Variants in CECR2 observed in about 807,000 individuals in gnomAD.
CECR2 encodes chromatin remodeling regulator CECR2.
A neutral mutation model predicts 154.5 loss-of-function variants in CECR2; 30 were observed. The ratio of observed to expected loss-of-function variants is 0.19; its 90% CI spans 0.15 to 0.26. The LOEUF is 0.26. Ranked by LOEUF, CECR2 falls within the 10% of genes least tolerant of loss-of-function variation. The pLI, the probability that CECR2 is intolerant of heterozygous loss-of-function variation, is 1.00. For synonymous variants in CECR2, 725 were observed against 683.7 expected, an observed-to-expected ratio of 1.06 and a Z score of -0.94; for missense variants, 1,743 against 1,829.3, an observed-to-expected ratio of 0.95 and a Z score of 0.86.
chr22:17,391,968 A>G (rs2146507288), intron 1 of CECR2, among the ~76,000 whole-genome samples: 1 of 152,122 alleles, frequency 6.6e-6, no homozygotes, highest in South Asian at 2.1e-4. Flanking sequence ...CACCCAGCTA[A>G]TTTTTGTATT....
At chr22:17,514,181 G>C (rs2056010246) in intron 8 of CECR2, among the ~76,000 whole-genome samples, 1 of 152,212 alleles carries the variant, frequency 6.6e-6, no homozygotes, top group Non-Finnish European at 1.5e-5. Flanking sequence ...AGGGGAGACT[G>C]TCTCGCTGAA....
chr22:17,381,970 C>G (rs987633457), intron 1 of CECR2, among the ~76,000 whole-genome samples: 5 of 151,638 alleles, frequency 3.3e-5, no homozygotes, highest in African/African-American at 1.2e-4. Context: ...TCACTGCGAG[C>G]TCCGCCTCCT....
chr22:17,448,595 A>C (rs1185104996), intron 1 of CECR2, among the ~76,000 whole-genome samples: 1 of 152,160 alleles, frequency 6.6e-6, no homozygotes, highest in Non-Finnish European at 1.5e-5. Context: ...GATTTTCCAT[A>C]AGAGACAGCC....
At chr22:17,542,077 T>A in intron 15 of CECR2, 80 bp from the exon 16 acceptor site, 2 of 1,570,434 alleles carry the variant, frequency 1.3e-6, no homozygotes, top group Non-Finnish European at 1.7e-6. Flanking sequence ...TCCCAAAGAG[T>A]CTGTTCCCAT....
chr22:17,449,914 G>T (rs1043159733), intron 1 of CECR2, among the ~76,000 whole-genome samples: 6 of 152,232 alleles, frequency 3.9e-5, no homozygotes, highest in Non-Finnish European at 5.9e-5. Flanking sequence ...ACAGGGCACT[G>T]AGTGATGCTT....
chr22:17,409,063 C>G (rs2146560405), intron 1 of CECR2, among the ~76,000 whole-genome samples: 1 of 152,302 alleles, frequency 6.6e-6, no homozygotes, highest in African/African-American at 2.4e-5. Context: ...ATGAAACATG[C>G]CCTGATCAGC....
intron 1 of CECR2, among the ~76,000 whole-genome samples, chr22:17,457,173 A>G (rs1246147207): frequency 6.6e-6 from 1 of 152,226 alleles, no homozygotes; most frequent in African/African-American, 2.4e-5. Flanking sequence ...AATTACAGAC[A>G]TACGCCACCA....
At chr22:17,525,838 G>A (rs2056255989) in intron 9 of CECR2, among the ~76,000 whole-genome samples, 2 of 152,144 alleles carry the variant, frequency 1.3e-5, no homozygotes, top group South Asian at 4.2e-4. Context: ...ATATAGGCAG[G>A]TCCAAAACTC....
rs1479830846 is a variant in CECR2 at position 17,557,026 on chromosome 22, C to T, written c.*4186C>T. ...TGCTGCGTGAGAAAAAGCTGGGCTC[C>T]CTATTTCTTTTTTGGGTTGGACTCT... On this transcript the variant is annotated 3_prime_UTR_variant, in exon 19 of 19. Transcript: ENST00000262608. The T allele has an allele frequency of 2.0e-5, 3 of 152,144 alleles. No homozygotes were observed. In the East Asian group the frequency reaches 5.8e-4, roughly 29 times the overall value. The allele number at this position is 152,144 out of a possible 1,614,324, so 9.4% of individuals were successfully genotyped here.
chr22:17,384,900 G>A (rs1237174324), intron 1 of CECR2, among the ~76,000 whole-genome samples: 2 of 152,190 alleles, frequency 1.3e-5, no homozygotes, highest in Non-Finnish European at 2.9e-5. Flanking sequence ...ATTCATCCTC[G>A]TTAATGATCT....
chr22:17,548,341 A>C lies in CECR2; in HGVS notation c.3054A>C (p.Ala1018=). The part of the protein sequence containing the change: ...SSSESADNCK[A]MKGKNPWPSD... Reference sequence around the variant, plus strand: ...CCGAATCTGCGGACAACTGTAAAGCAATGAAGGGCAAGAATCCCTGGCCCT... The same window carrying C: ...CCGAATCTGCGGACAACTGTAAAGCCATGAAGGGCAAGAATCCCTGGCCCT... Residue 1018 remains alanine, a synonymous_variant, in exon 17 of 19, where the codon GCA becomes GCC. Coordinates refer to ENST00000262608, the MANE Select transcript of CECR2 (RefSeq NM_001290047.2). 1 of 1,612,302 alleles carries C rather than the reference A, an allele frequency of 6.2e-7. No individual in the cohort carries two copies. The highest frequency in any genetic ancestry group is 8.5e-7 in the Non-Finnish European group (1 of 1,179,202).
At chr22:17,380,557 G>A (rs1378261287) in intron 1 of CECR2, among the ~76,000 whole-genome samples, 1 of 152,126 alleles carries the variant, frequency 6.6e-6, no homozygotes, top group Non-Finnish European at 1.5e-5. Context: ...GTGTGACTTG[G>A]CATTGTGTCA....
chr22:17,365,677 C>G (rs1397056569), upstream of CECR2, among the ~76,000 whole-genome samples: 2 of 152,036 alleles, frequency 1.3e-5, no homozygotes, highest in African/African-American at 4.8e-5. Flanking sequence ...GCCTGGGTGA[C>G]AGATCAAGAC....
At chr22:17,463,949 C>T (rs572248353) in intron 1 of CECR2, among the ~76,000 whole-genome samples, 7 of 152,124 alleles carry the variant, frequency 4.6e-5, no homozygotes, top group East Asian at 1.9e-4. Context: ...AATAGCAGTG[C>T]GGTGGTGGGT....
chr22:17,500,582 G>T (rs1341507179), intron 4 of CECR2, 49 bp from the exon 5 acceptor site: 5 of 1,296,002 alleles, frequency 3.9e-6, no homozygotes, highest in African/African-American at 1.5e-5. Flanking sequence ...ATCATATGTA[G>T]CAATGCCAAT....
upstream of CECR2, among the ~76,000 whole-genome samples, chr22:17,368,345 G>A (rs778215848): frequency 1.1e-3 from 161 of 152,250 alleles, no homozygotes; most frequent in Non-Finnish European, 1.8e-3. Context: ...TAATTTGGGG[G>A]ACGCACCAGG....
intron 14 of CECR2, among the ~76,000 whole-genome samples, chr22:17,541,564 A>G (rs1364336768): frequency 6.6e-6 from 1 of 152,190 alleles, no homozygotes; most frequent in Non-Finnish European, 1.5e-5. Flanking sequence ...CTGGGGAGAA[A>G]CGGCTAAAAT....
In CECR2 at chr22:17,412,957, C is replaced by T. The variant is rs929752383; in HGVS notation, c.126+43048C>T. 3.9e-5 allele frequency among the ~76,000 whole-genome samples: 6 copies of T among 152,134 alleles called. No homozygotes were observed. In the East Asian group the frequency reaches 5.8e-4, roughly 15 times the overall value. ...GGCTGCAGTCGGACTTCTGATTAGA[C>T]GTTGTTAAGTTTTCCTCAGGAGATG... On this transcript the variant is annotated intron_variant, in intron 1 of 18. Transcript: ENST00000262608.
At chr22:17,510,370 C>T (rs1384153985) in intron 7 of CECR2, among the ~76,000 whole-genome samples, 1 of 151,700 alleles carries the variant, frequency 6.6e-6, no homozygotes, top group Non-Finnish European at 1.5e-5. Context: ...TTTGGGAGTC[C>T]AAGGTGGTAC....
Sources: allele counts gnomAD v4.1 joint callset (sites outside exome capture counted in the v4.1 genomes callset), GRCh38; gene constraint gnomAD v4.1.1; transcripts MANE v1.5; gene names NCBI Gene and HGNC (gene_info 2026-07-23, HGNC 2026-07-21).